GTPBP1: variants seen among roughly 807,000 people sequenced by gnomAD.
GTPBP1 encodes GTP-binding protein 1.
GTPBP1 carries 23 observed loss-of-function variants against 62.0 expected under a neutral mutation model. That is an observed-to-expected ratio of 0.37 (90% CI 0.27 to 0.53). The LOEUF is 0.53. Ranked by LOEUF, GTPBP1 falls within the 20% of genes least tolerant of loss-of-function variation. The pLI, the probability that GTPBP1 is intolerant of heterozygous loss-of-function variation, is 0.89. For synonymous variants in GTPBP1, 344 were observed against 364.4 expected, an observed-to-expected ratio of 0.94 and a Z score of 0.64; for missense variants, 640 against 917.3, an observed-to-expected ratio of 0.70 and a Z score of 3.90.
Position 38,731,804 on chromosome 22 carries a change from T to C in GTPBP1, c.*1100T>C, listed in dbSNP as rs938291899. 3 of 152,336 alleles carry C rather than the reference T, an allele frequency of 2.0e-5. No individual in the cohort carries two copies. The highest frequency in any genetic ancestry group is 4.4e-5 in the Non-Finnish European group (3 of 68,238). 9.4% of individuals were successfully genotyped at this position (152,336 alleles called of 1,614,324 possible). A position where few individuals can be genotyped will look rare whatever the true frequency, so the allele number is the denominator to read the frequency against. On this transcript the variant is annotated 3_prime_UTR_variant, in exon 12 of 12. Transcript: ENST00000216044. ...CCCTGTGGCTGCTACAGGAGCACAG[T>C]AGTGAAGGCCTGAGCTCCAGGTTTG...
intron 5 of GTPBP1, chr22:38,723,429 C>G (rs2092711150): frequency 9.3e-7 from 1 of 1,079,236 alleles, no homozygotes; most frequent in African/African-American, 1.6e-5. Context: ...GCTGCAGTGG[C>G]AGAAATGCCC....
downstream of GTPBP1, chr22:38,736,220 T>C (rs763096775): frequency 1.3e-5 from 20 of 1,547,566 alleles, no homozygotes; most frequent in Middle Eastern, 6.8e-4. Context: ...GGCGGGGTGC[T>C]GTTCACCCAC....
At chr22:38,741,379 C>T, downstream of GTPBP1, 1 of 1,095,008 alleles carries the variant, frequency 9.1e-7, no homozygotes. Flanking sequence ...GAGGGCACTC[C>T]CCTCCCCATG....
chr22:38,714,097 G>A (rs1381151056), intron 2 of GTPBP1, among the ~76,000 whole-genome samples: 1 of 152,194 alleles, frequency 6.6e-6, no homozygotes, highest in Admixed American at 6.5e-5. Context: ...CAGGGTGGGA[G>A]GGAAGTGCTT....
At chr22:38,740,040 G>A (rs1191966522), downstream of GTPBP1, 7 of 1,400,526 alleles carry the variant, frequency 5.0e-6, no homozygotes, top group Non-Finnish European at 6.8e-6. The surrounding 1 kb of genome is among the most constrained non-coding windows in gnomAD (Gnocchi z 4.8). Context: ...CAGGGATAGG[G>A]TAGGAGGGAG....
At chr22:38,715,790 T>C in intron 2 of GTPBP1, 117 bp from the exon 3 acceptor site, 1 of 760,122 alleles carries the variant, frequency 1.3e-6, no homozygotes, top group Non-Finnish European at 2.2e-6. Flanking sequence ...CCTGTTCCTC[T>C]GCAGTGCTGG....
rs1348942420 is a variant in GTPBP1 at position 38,726,878 on chromosome 22, C to G, written c.1402-335C>G. On this transcript the variant is annotated intron_variant, in intron 8 of 11. Transcript: ENST00000216044. The surrounding 1 kb of genome is among the most constrained non-coding windows in gnomAD (Gnocchi z 4.1). The stretch of plus-strand genomic sequence containing the variant: ...ACTAAATTAACCAGGAATAGTAGGA[C>G]TTTCTTCCCCACAGTGGTCAGGTCA... 2.0e-5 allele frequency among the ~76,000 whole-genome samples: 3 copies of G among 152,190 alleles called. No individual in the cohort carries two copies. Among genetic ancestry groups the G allele is most frequent in the Non-Finnish European group, 4.4e-5 (3 of 68,034 alleles).
chr22:38,715,699 C>T (rs952416753), intron 2 of GTPBP1, among the ~76,000 whole-genome samples: 10 of 152,184 alleles, frequency 6.6e-5, no homozygotes, highest in African/African-American at 2.4e-4. Flanking sequence ...GTAGCGAATG[C>T]TCTGCTTGAT....
chr22:38,727,147 T>TG lies in GTPBP1; in HGVS notation c.1402-63dup, dbSNP rs2092730931. ...TATCCCTAGAAAGACTCTTGGTCCC[T>TG]GGGACCAGGGGTGAAACCAGAAGGC... On this transcript the variant is annotated intron_variant, in intron 8 of 11. Coordinates refer to ENST00000216044, the MANE Select transcript of GTPBP1 (RefSeq NM_004286.5). The surrounding 1 kb of genome is among the most constrained non-coding windows in gnomAD (Gnocchi z 6.5). The TG allele has an allele frequency of 6.9e-7, 1 of 1,441,960 alleles. No homozygotes were observed. The allele number at this position is 1,441,960 out of a possible 1,614,324, so 89.3% of individuals were successfully genotyped here.
rs771851231 is a variant in GTPBP1, at chr22:38,727,965, C to G, written c.1538-18C>G. 5 of 1,610,382 alleles carry G rather than the reference C, an allele frequency of 3.1e-6. No homozygotes were observed. Among genetic ancestry groups the G allele is most frequent in the Non-Finnish European group, 4.2e-6 (5 of 1,176,854 alleles). On this transcript the variant is annotated intron_variant, in intron 9 of 11. Coordinates refer to ENST00000216044, the MANE Select transcript of GTPBP1 (RefSeq NM_004286.5). The surrounding 1 kb of genome is among the most constrained non-coding windows in gnomAD (Gnocchi z 6.5). ...CCAGGTGGCTCCAGCCTATCCTGAC[C>G]TCTGGCTTCCTTGACAGTGCACTGT...
At chr22:38,729,849 CAG>C (rs755498477) in intron 11 of GTPBP1, among the ~76,000 whole-genome samples, 187 bp downstream of exon 11, 3 of 152,230 alleles carry the variant, frequency 2.0e-5, no homozygotes, top group Non-Finnish European at 4.4e-5. Context: ...GCTTCCAAAT[CAG>C]GGAATACAGC....
chr22:38,735,452 A>C (rs941012434), downstream of GTPBP1: 1 of 310,220 alleles, frequency 3.2e-6, no homozygotes, highest in Non-Finnish European at 6.4e-6. Flanking sequence ...CTAGGTCTCC[A>C]TACCCTGGGA....
Position 38,730,564 on chromosome 22 carries a change from C to T in GTPBP1, c.1918-48C>T. 3 of 1,270,728 alleles carry T rather than the reference C, an allele frequency of 2.4e-6. No individual in the cohort carries two copies. Among genetic ancestry groups the T allele is most frequent in the Non-Finnish European group, 3.4e-6 (3 of 877,622 alleles). 78.7% of individuals were successfully genotyped at this position (1,270,728 alleles called of 1,614,324 possible). On this transcript the variant is annotated intron_variant, in intron 11 of 11. Transcript: ENST00000216044. The surrounding 1 kb of genome is among the most constrained non-coding windows in gnomAD (Gnocchi z 5.6). ...TGCTCAGCACCTCTGCTCTCTGGCC[C>T]TGCTCCTGATGGGCCAGTGCTTCTC... is the stretch of plus-strand genomic sequence containing the variant.
downstream of GTPBP1, chr22:38,741,681 G>T (rs909510791): frequency 1.1e-5 from 11 of 1,016,200 alleles, no homozygotes; most frequent in African/African-American, 1.4e-4. Flanking sequence ...TGCTTCCAGA[G>T]CCCTGGCTCT....
chr22:38,732,010 G>A lies in GTPBP1; in HGVS notation c.*1306G>A, dbSNP rs1407802375. 1 of 152,648 alleles carries A rather than the reference G, an allele frequency of 6.6e-6. No homozygotes were observed. Among genetic ancestry groups the A allele is most frequent in the African/African-American group, 2.4e-5 (1 of 41,464 alleles). The allele number at this position is 152,648 out of a possible 1,614,324, so 9.5% of individuals were successfully genotyped here. On this transcript the variant is annotated 3_prime_UTR_variant, in exon 12 of 12. Coordinates refer to ENST00000216044, the MANE Select transcript of GTPBP1 (RefSeq NM_004286.5). ...GACTTCTGCACTGAAGCCACAGATGGAGGGTAGGCTGGTGGGTGGGGGTGG... is the reference window on the plus strand; with the variant it reads ...GACTTCTGCACTGAAGCCACAGATGAAGGGTAGGCTGGTGGGTGGGGGTGG...
intron 4 of GTPBP1, among the ~76,000 whole-genome samples, chr22:38,719,040 C>T (rs1190697427): frequency 1.3e-5 from 2 of 152,020 alleles, no homozygotes; most frequent in Admixed American, 6.5e-5. Context: ...GAGTCTTGCT[C>T]TTTCGCCCAG....
At chr22:38,712,184 TAA>T (rs2092644149) in intron 2 of GTPBP1, among the ~76,000 whole-genome samples, 1 of 152,164 alleles carries the variant, frequency 6.6e-6, no homozygotes, top group Non-Finnish European at 1.5e-5. Context: ...CAAGGAGTAC[TAA>T]GTCTTTGTGG....
At chr22:38,728,302 C>G (rs1286362109) in intron 10 of GTPBP1, 141 bp downstream of exon 10, 7 of 652,568 alleles carry the variant, frequency 1.1e-5, no homozygotes, top group Non-Finnish European at 1.9e-5. Context: ...TGCCATCTCT[C>G]TACTCCCTTA....
At chr22:38,739,273 G>C (rs1333782058), downstream of GTPBP1, 9 of 1,530,352 alleles carry the variant, frequency 5.9e-6, no homozygotes, top group Non-Finnish European at 7.2e-6. The surrounding 1 kb of genome is among the most constrained non-coding windows in gnomAD (Gnocchi z 6.7). Flanking sequence ...CCACCAACCT[G>C]GTAGATGCCA....
Sources: allele counts gnomAD v4.1 joint callset (sites outside exome capture counted in the v4.1 genomes callset), GRCh38; gene constraint gnomAD v4.1.1; non-coding constraint Gnocchi (gnomAD v3.1); transcripts MANE v1.5; gene names NCBI Gene and HGNC (gene_info 2026-07-23, HGNC 2026-07-21).